FAM227B: variants seen among roughly 807,000 people sequenced by gnomAD.
FAM227B encodes family with sequence similarity 227 member B.
FAM227B carries 88 observed loss-of-function variants against 73.8 expected under a neutral mutation model. The ratio of observed to expected loss-of-function variants is 1.19; its 90% CI spans 1.00 to 1.42. FAM227B has a LOEUF of 1.42. Ranked by LOEUF, FAM227B falls within the 40% of genes most tolerant of loss-of-function variation. The probability of loss-of-function intolerance (pLI) is 0.00; values close to 1 mark genes in which losing one functional copy is unlikely to be tolerated. For missense variants in FAM227B, 632 were observed against 590.9 expected, an observed-to-expected ratio of 1.07 and a Z score of -0.72; for synonymous variants, 210 against 190.5, an observed-to-expected ratio of 1.10 and a Z score of -0.84.
At chr15:49,546,184 C>T (rs1172415481) in intron 9 of FAM227B, among the ~76,000 whole-genome samples, 1 of 152,040 alleles carries the variant, frequency 6.6e-6, no homozygotes, top group Non-Finnish European at 1.5e-5. Flanking sequence ...GTTCAATTCC[C>T]ACCTATGAGT....
At chr15:49,562,381 A>C (rs1209424282) in intron 9 of FAM227B, among the ~76,000 whole-genome samples, 2 of 152,006 alleles carry the variant, frequency 1.3e-5, no homozygotes, top group African/African-American at 4.8e-5. Context: ...ATGTACCAAA[A>C]AGAACCCTGT....
chr15:49,424,277 C>T, intron 11 of FAM227B: 1 of 1,594,016 alleles, frequency 6.3e-7, no homozygotes, highest in Non-Finnish European at 8.6e-7. Context: ...TATTCATGAA[C>T]ACCCGGAGCA....
intron 10 of FAM227B, among the ~76,000 whole-genome samples, chr15:49,514,389 C>A (rs1355595089): frequency 6.6e-6 from 1 of 151,968 alleles, no homozygotes; most frequent in Non-Finnish European, 1.5e-5. Flanking sequence ...CATGATTTGG[C>A]TCTTTGCTTG....
At position 49,398,127 on chromosome 15, in the gene FAM227B, G is replaced by A. The variant is rs541573271; in HGVS notation, c.1013-26728C>T. On this transcript the variant is annotated intron_variant, in intron 11 of 15. Coordinates refer to ENST00000299338, the MANE Select transcript of FAM227B (RefSeq NM_152647.3). Reference sequence around the variant, plus strand: ...CATCTCACATGCAGAGACACACATAGGCTCAAAATAAAAGGTTGGAGGAAG... The same window carrying A: ...CATCTCACATGCAGAGACACACATAAGCTCAAAATAAAAGGTTGGAGGAAG... 1.4e-3 allele frequency among the ~76,000 whole-genome samples: 208 copies of A among 152,236 alleles called. 1 individual carries two copies. Among genetic ancestry groups the A allele is most frequent in the Non-Finnish European group, 1.5e-3 (105 of 68,024 alleles).
intron 5 of FAM227B, among the ~76,000 whole-genome samples, chr15:49,583,299 A>T (rs890906470): frequency 6.6e-5 from 10 of 152,112 alleles, no homozygotes; most frequent in African/African-American, 2.4e-4. Context: ...ATAAGGGAAT[A>T]GGAGGTCAGC....
intron 5 of FAM227B, among the ~76,000 whole-genome samples, chr15:49,586,246 C>T (rs1317122803): frequency 6.6e-6 from 1 of 152,228 alleles, no homozygotes; most frequent in Admixed American, 6.5e-5. Context: ...ACATCTACAA[C>T]TACCTGATCT....
chr15:49,356,181 A>C (rs1354119583), intron 13 of FAM227B, among the ~76,000 whole-genome samples: 4 of 152,190 alleles, frequency 2.6e-5, no homozygotes, highest in African/African-American at 9.7e-5. Flanking sequence ...AACTGCATCA[A>C]CTAACGAGCA....
At chr15:49,542,711 AATATAT>A (rs56759104) in intron 9 of FAM227B, among the ~76,000 whole-genome samples, 1 of 147,908 alleles carries the variant, frequency 6.8e-6, no homozygotes, top group African/African-American at 2.5e-5. Context: ...TTTATATATA[AATATAT>A]ATATATATAA....
At chr15:49,617,902 C>A (rs1259442398) in intron 1 of FAM227B, among the ~76,000 whole-genome samples, 1 of 151,922 alleles carries the variant, frequency 6.6e-6, no homozygotes, top group Admixed American at 6.6e-5. Context: ...ATTTTTTCTC[C>A]CAGAAGATCT....
chr15:49,407,635 AAT>A (rs993033477), intron 11 of FAM227B, among the ~76,000 whole-genome samples: 5 of 148,102 alleles, frequency 3.4e-5, no homozygotes, highest in African/African-American at 4.9e-5. Context: ...ATATGTATTT[AAT>A]ATATATATTA....
chr15:49,489,827 TATATATATATA>T lies in FAM227B; in HGVS notation c.1012+18373_1012+18383del, dbSNP rs2056799960. ...TTTATATATATATATATATTTTATA[TATATATATATA>T]TTTTATATATATATATATATTTTAT... On this transcript the variant is annotated intron_variant, in intron 11 of 15. Coordinates refer to ENST00000299338, the MANE Select transcript of FAM227B (RefSeq NM_152647.3). Among the ~76,000 whole-genome samples the T allele has an allele frequency of 1.8e-4, 9 of 49,814 alleles. 3 individuals are homozygous for T. In the South Asian group the frequency reaches 6.3e-3, roughly 35 times the overall value. 32.7% of individuals were successfully genotyped at this position (49,814 alleles called of 152,430 possible).
chr15:49,420,728 T>C (rs8031892), intron 11 of FAM227B, among the ~76,000 whole-genome samples: 104,828 of 152,054 alleles, frequency 0.69, 36,551 homozygotes, highest in African/African-American at 0.76. Flanking sequence ...CTTTTTCAGA[T>C]GGAGTCTCGC....
At chr15:49,434,235 G>A (rs2413943) in intron 11 of FAM227B, among the ~76,000 whole-genome samples, 1 of 151,554 alleles carries the variant, frequency 6.6e-6, no homozygotes, top group African/African-American at 2.4e-5. Flanking sequence ...CATAGTTTCC[G>A]CCTTTGTTTG....
intron 2 of FAM227B, among the ~76,000 whole-genome samples, 194 bp from the exon 3 acceptor site, chr15:49,611,462 C>T (rs140627169): frequency 8.1e-4 from 124 of 152,244 alleles, no homozygotes; most frequent in African/African-American, 2.8e-3. Flanking sequence ...TTCTTAGCCT[C>T]CAAACCAAAT....
chr15:49,557,893 CA>C (rs1367027622), intron 9 of FAM227B, among the ~76,000 whole-genome samples: 1 of 152,230 alleles, frequency 6.6e-6, no homozygotes, highest in Admixed American at 6.5e-5. Context: ...GCTGTAGCCC[CA>C]ACAGAGGCTG....
In FAM227B at chr15:49,395,859, T is replaced by C. The variant is rs962163612; in HGVS notation, c.1013-24460A>G. On this transcript the variant is annotated intron_variant, in intron 11 of 15. Coordinates refer to ENST00000299338, the MANE Select transcript of FAM227B (RefSeq NM_152647.3). ...AACTCAACACATTCAAAGGATAGAA[T>C]TGAATCTCTCTAAATTTTCATGGCT... 2.7e-5 allele frequency: 12 copies of C among 446,570 alleles called. No homozygotes were observed. The East Asian group carries it at 5.6e-4, about 21-fold the overall frequency. The allele number at this position is 446,570 out of a possible 1,614,324, so 27.7% of individuals were successfully genotyped here. A position where few individuals can be genotyped will look rare whatever the true frequency, so the allele number is the denominator to read the frequency against.
chr15:49,581,415 C>T (rs562435381), intron 5 of FAM227B, among the ~76,000 whole-genome samples: 1 of 152,092 alleles, frequency 6.6e-6, no homozygotes, highest in South Asian at 2.1e-4. Flanking sequence ...GCAACTTCCC[C>T]CTCTCAGGTT....
intron 11 of FAM227B, among the ~76,000 whole-genome samples, chr15:49,394,620 A>C (rs1178800559): frequency 6.6e-6 from 1 of 152,178 alleles, no homozygotes; most frequent in East Asian, 1.9e-4. Context: ...TCAGGTGTGG[A>C]GAATTATCTT....
chr15:49,410,433 CTT>C (rs1414843649), intron 11 of FAM227B, among the ~76,000 whole-genome samples: 1 of 152,010 alleles, frequency 6.6e-6, no homozygotes, highest in Non-Finnish European at 1.5e-5. Flanking sequence ...TCTATTTGCT[CTT>C]TTTTAGTAGT....
Sources: gnomAD v4.1 joint callset for allele counts (sites outside exome capture counted in the v4.1 genomes callset) on GRCh38, gnomAD v4.1.1 for gene constraint, MANE v1.5 for transcripts, NCBI Gene and HGNC (gene_info 2026-07-23, HGNC 2026-07-21) for gene names.